NEGR1: variants seen among roughly 807,000 people sequenced by gnomAD.
NEGR1 encodes the protein IgLON family member 4.
In NEGR1, 10 loss-of-function variants were observed where a neutral mutation model predicts 40.9. The observed-to-expected ratio is 0.24, with a 90% CI of 0.15 to 0.42. The LOEUF (loss-of-function observed/expected upper bound fraction) is 0.42. Among genes scored for constraint, NEGR1 ranks in the 10% least tolerant of loss-of-function variants. The pLI is 1.00. For synonymous variants in NEGR1, 185 were observed against 166.8 expected, an observed-to-expected ratio of 1.11 and a Z score of -0.84; for missense variants, 352 against 438.9, an observed-to-expected ratio of 0.80 and a Z score of 1.77.
intron 2 of NEGR1, among the ~76,000 whole-genome samples, chr1:71,866,865 C>A (rs763979977): frequency 6.6e-6 from 1 of 152,148 alleles, no homozygotes; most frequent in Non-Finnish European, 1.5e-5. Context: ...ACATCAAAAG[C>A]TATGAATTTA....
chr1:71,997,877 A>T (rs1469124124), intron 1 of NEGR1, among the ~76,000 whole-genome samples: 1 of 152,016 alleles, frequency 6.6e-6, no homozygotes, highest in Non-Finnish European at 1.5e-5. Context: ...TTTGCCAGTC[A>T]TAAATTTCCA....
At chr1:71,661,835 G>A (rs1652065277) in intron 4 of NEGR1, among the ~76,000 whole-genome samples, 1 of 152,148 alleles carries the variant, frequency 6.6e-6, no homozygotes, top group African/African-American at 2.4e-5. Context: ...AGAAGAAACT[G>A]TATCATGGAG....
intron 2 of NEGR1, among the ~76,000 whole-genome samples, chr1:71,787,811 T>C (rs757711240): frequency 1.9e-4 from 29 of 152,336 alleles, no homozygotes; most frequent in Non-Finnish European, 3.5e-4. Context: ...AGCCACAATC[T>C]TGCCATCTTT....
intron 1 of NEGR1, among the ~76,000 whole-genome samples, chr1:72,233,904 C>T (rs1161664272): frequency 6.6e-6 from 1 of 152,178 alleles, no homozygotes; most frequent in East Asian, 1.9e-4. Flanking sequence ...AATTTACATT[C>T]CCACCAACTG....
intron 1 of NEGR1, among the ~76,000 whole-genome samples, chr1:71,978,623 C>T (rs556155736): frequency 2.0e-5 from 3 of 152,116 alleles, no homozygotes; most frequent in Non-Finnish European, 2.9e-5. Context: ...TATCACTGAT[C>T]GTTAGAGAAA....
intron 4 of NEGR1, among the ~76,000 whole-genome samples, chr1:71,615,161 T>C (rs1650407232): frequency 6.6e-6 from 1 of 152,160 alleles, no homozygotes; most frequent in African/African-American, 2.4e-5. Flanking sequence ...TAAAAGTTCT[T>C]ATTACATACT....
chr1:72,150,300 ACTT>A (rs934340641), intron 1 of NEGR1, among the ~76,000 whole-genome samples: 5 of 152,160 alleles, frequency 3.3e-5, no homozygotes, highest in Admixed American at 3.3e-4. Flanking sequence ...GTCATTTATC[ACTT>A]CTTTTAAAAA....
chr1:71,794,380 A>G lies in NEGR1; in HGVS notation c.410-18083T>C, dbSNP rs1046867406. ...TCCTTTCAAATTCTCAATGCTAATT[A>G]TAAAATGCCGGGAAAAAATACAGCC... On this transcript the variant is annotated intron_variant, in intron 2 of 6. Coordinates refer to ENST00000357731, the MANE Select transcript of NEGR1 (RefSeq NM_173808.3). 2.6e-5 allele frequency: 4 copies of G among 152,310 alleles called. No homozygotes were observed. The East Asian group carries it at 7.7e-4, about 29-fold the overall frequency. The allele number at this position is 152,310 out of a possible 1,614,324, so 9.4% of individuals were successfully genotyped here. A position where few individuals can be genotyped will look rare whatever the true frequency, so the allele number is the denominator to read the frequency against.
intron 4 of NEGR1, among the ~76,000 whole-genome samples, chr1:71,627,276 G>C (rs1650818287): frequency 6.6e-6 from 1 of 152,166 alleles, no homozygotes; most frequent in Non-Finnish European, 1.5e-5. Flanking sequence ...ACTGGATTAA[G>C]AAAATGTGGC....
At chr1:71,782,019 C>T (rs909361380) in intron 2 of NEGR1, among the ~76,000 whole-genome samples, 1 of 152,080 alleles carries the variant, frequency 6.6e-6, no homozygotes, top group Non-Finnish European at 1.5e-5. Flanking sequence ...AAAATTGTAT[C>T]ACTGATGACT....
At chr1:71,720,567 G>T (rs1375588462) in intron 3 of NEGR1, among the ~76,000 whole-genome samples, 1 of 152,078 alleles carries the variant, frequency 6.6e-6, no homozygotes, top group Non-Finnish European at 1.5e-5. Flanking sequence ...ATATAAACCT[G>T]TTGGTACTTT....
chr1:72,243,143 T>C (rs1654801106), intron 1 of NEGR1, among the ~76,000 whole-genome samples: 1 of 151,754 alleles, frequency 6.6e-6, no homozygotes, highest in Non-Finnish European at 1.5e-5. Flanking sequence ...ATTTAATAAT[T>C]CAATTGTATT....
At chr1:71,558,427 T>C (rs1315944620) in intron 6 of NEGR1, among the ~76,000 whole-genome samples, 6 of 151,726 alleles carry the variant, frequency 4.0e-5, no homozygotes, top group East Asian at 3.9e-4. Flanking sequence ...CTGCAATTAT[T>C]ATAATGGCGT....
In NEGR1 at chr1:71,685,832, T is replaced by C. The variant is rs372155986; in HGVS notation, c.667+12176A>G. ...GTATTCAATTTCTAAATTTATATTA[T>C]ATAAACGTGAATTAAATACTTTTTT... On this transcript the variant is annotated intron_variant, in intron 4 of 6. Transcript: ENST00000357731. Among the ~76,000 whole-genome samples, 13 of 152,346 alleles carry C rather than the reference T, an allele frequency of 8.5e-5. No individual in the cohort carries two copies. In the East Asian group the frequency reaches 2.1e-3, roughly 25 times the overall value.
chr1:71,409,881 A>G (rs572655288), intron 6 of NEGR1, among the ~76,000 whole-genome samples: 1 of 151,974 alleles, frequency 6.6e-6, no homozygotes, highest in Non-Finnish European at 1.5e-5. Flanking sequence ...AAAATGTACT[A>G]TAGTAGTATA....
chr1:72,261,178 C>T lies in NEGR1; in HGVS notation c.176+21141G>A, dbSNP rs529574503. 7.9e-4 allele frequency among the ~76,000 whole-genome samples: 120 copies of T among 152,132 alleles called. 2 individuals are homozygous for T. In the South Asian group the frequency reaches 0.023, roughly 29 times the overall value. ...AGAATAACCTGACATTAAGTTGGTA[C>T]TATAAATGATGAGACCATAAAAATG... On this transcript the variant is annotated intron_variant, in intron 1 of 6. Transcript: ENST00000357731.
chr1:71,539,454 G>C (rs1347514563), intron 6 of NEGR1, among the ~76,000 whole-genome samples: 1 of 151,676 alleles, frequency 6.6e-6, no homozygotes, highest in East Asian at 2.0e-4. Flanking sequence ...AAATTTCACT[G>C]TGACTTAACA....
intron 6 of NEGR1, among the ~76,000 whole-genome samples, chr1:71,553,256 A>C (rs1174695872): frequency 6.6e-6 from 1 of 151,558 alleles, no homozygotes; most frequent in Non-Finnish European, 1.5e-5. Context: ...CTCATCTCTA[A>C]GTTTTTCTGT....
At chr1:71,874,761 A>C (rs562435221) in intron 2 of NEGR1, among the ~76,000 whole-genome samples, 1 of 152,272 alleles carries the variant, frequency 6.6e-6, no homozygotes, top group African/African-American at 2.4e-5. Context: ...ATTTTCACTT[A>C]GTATCATGAT....
Sources: gnomAD v4.1 joint callset for allele counts (sites outside exome capture counted in the v4.1 genomes callset) on GRCh38, gnomAD v4.1.1 for gene constraint, MANE v1.5 for transcripts, NCBI Gene and HGNC (gene_info 2026-07-23, HGNC 2026-07-21) for gene names.